Variants in MTUS2 observed in about 807,000 individuals in gnomAD.
MTUS2 encodes microtubule associated scaffold protein 2.
Under a neutral mutation model 114.1 loss-of-function variants are expected in MTUS2, and 40 were observed. That is an observed-to-expected ratio of 0.35 (90% CI 0.27 to 0.46). The LOEUF (loss-of-function observed/expected upper bound fraction) is 0.46, where lower values mean the gene tolerates loss of function less well. Among genes scored for constraint, MTUS2 ranks in the 20% least tolerant of loss-of-function variants. The pLI is 1.00. For synonymous variants in MTUS2, 688 were observed against 672.0 expected (o/e 1.02, Z -0.37); for missense variants, 1,679 against 1,705.4 (o/e 0.98, Z 0.27).
intron 5 of MTUS2, among the ~76,000 whole-genome samples, chr13:29,254,611 C>T (rs1897236190): frequency 6.6e-6 from 1 of 152,218 alleles, no homozygotes. Context: ...GATTTCTATT[C>T]TGAAAACATA....
intron 8 of MTUS2, among the ~76,000 whole-genome samples, chr13:29,405,907 A>C (rs1874717308): frequency 1.3e-5 from 2 of 151,562 alleles, no homozygotes; most frequent in Admixed American, 6.6e-5. Flanking sequence ...TGCCTGACTA[A>C]TTTTTGTATT....
At position 29,143,708 on chromosome 13, in the gene MTUS2, A is replaced by G. The variant is rs138472581; in HGVS notation, c.2644+42738A>G. On this transcript the variant is annotated intron_variant, in intron 5 of 15. Transcript: ENST00000612955. ...TTAGTTGGAGAAAAGTAGCTAGCTC[A>G]TTGAAGTAACTGATGACACAAAATT... 2.8e-3 allele frequency among the ~76,000 whole-genome samples: 419 copies of G among 152,340 alleles called. 2 individuals are homozygous for G. Among genetic ancestry groups the G allele is most frequent in the African/African-American group, 9.6e-3 (399 of 41,584 alleles).
chr13:29,457,438 T>C (rs2138772130), intron 9 of MTUS2, among the ~76,000 whole-genome samples: 1 of 152,188 alleles, frequency 6.6e-6, no homozygotes, highest in Middle Eastern at 3.4e-3. Flanking sequence ...ACATAAGAGA[T>C]TAATCCACAG....
intron 12 of MTUS2, among the ~76,000 whole-genome samples, chr13:29,495,680 G>A (rs1023754298): frequency 6.6e-6 from 1 of 152,070 alleles, no homozygotes; most frequent in Non-Finnish European, 1.5e-5. Flanking sequence ...AGACCAGCCT[G>A]GGCAACATGG....
intron 5 of MTUS2, among the ~76,000 whole-genome samples, chr13:29,243,863 T>C (rs1896816145): frequency 6.6e-6 from 1 of 152,146 alleles, no homozygotes; most frequent in African/African-American, 2.4e-5. Flanking sequence ...GATCCTAATT[T>C]ATAGCCAGGG....
At chr13:28,940,217 G>A (rs1032539932) in intron 2 of MTUS2, among the ~76,000 whole-genome samples, 7 of 152,154 alleles carry the variant, frequency 4.6e-5, no homozygotes, top group African/African-American at 1.7e-4. Flanking sequence ...AAACAACCCA[G>A]ATGTTCATCA....
chr13:28,956,548 G>A (rs1883077288), intron 2 of MTUS2, among the ~76,000 whole-genome samples: 1 of 152,172 alleles, frequency 6.6e-6, no homozygotes, highest in South Asian at 2.1e-4. Flanking sequence ...GATATGAGAG[G>A]TCAGGAGGGT....
At chr13:28,837,779 A>G (rs1875195329) in intron 1 of MTUS2, among the ~76,000 whole-genome samples, 1 of 152,004 alleles carries the variant, frequency 6.6e-6, no homozygotes, top group South Asian at 2.1e-4. Flanking sequence ...TTTCTGTTAC[A>G]ATTAGTACTA....
At chr13:29,400,902 T>G (rs1874284252) in intron 8 of MTUS2, among the ~76,000 whole-genome samples, 2 of 152,222 alleles carry the variant, frequency 1.3e-5, no homozygotes, top group African/African-American at 4.8e-5. Flanking sequence ...CTCCTCAGAT[T>G]GTTCATCTTT....
At chr13:29,410,146 C>G (rs1484043870) in intron 8 of MTUS2, among the ~76,000 whole-genome samples, 4 of 148,768 alleles carry the variant, frequency 2.7e-5, no homozygotes, top group Non-Finnish European at 3.0e-5. Context: ...TTTTTTGAGA[C>G]AGAATTTCAT....
intron 13 of MTUS2, chr13:29,497,717 G>A (rs1251286874): frequency 2.4e-5 from 5 of 212,760 alleles, no homozygotes; most frequent in Middle Eastern, 1.9e-3. Context: ...GCGTTCAGTT[G>A]AGGGGAATTT....
intron 2 of MTUS2, among the ~76,000 whole-genome samples, chr13:28,904,102 G>C (rs1879825545): frequency 6.6e-6 from 1 of 152,060 alleles, no homozygotes; most frequent in Admixed American, 6.6e-5. Context: ...CTTGTTGATG[G>C]GGTTGTTTGT....
intron 4 of MTUS2, among the ~76,000 whole-genome samples, chr13:29,068,176 A>G (rs1037804190): frequency 3.3e-5 from 5 of 152,214 alleles, no homozygotes; most frequent in Admixed American, 2.0e-4. Context: ...GGAGGCTGCA[A>G]AAGAACCATT....
chr13:28,895,601 C>T (rs1879218431), intron 2 of MTUS2, among the ~76,000 whole-genome samples: 1 of 152,012 alleles, frequency 6.6e-6, no homozygotes, highest in Non-Finnish European at 1.5e-5. Context: ...AAAACTTGTG[C>T]CCTTAAAATA....
chr13:29,053,768 G>A (rs1350048280), intron 4 of MTUS2, among the ~76,000 whole-genome samples: 1 of 152,080 alleles, frequency 6.6e-6, no homozygotes. Flanking sequence ...TTATTGCCGA[G>A]TATTGTATGG....
chr13:29,215,423 C>T (rs1398842856), intron 5 of MTUS2, among the ~76,000 whole-genome samples: 1 of 148,568 alleles, frequency 6.7e-6, no homozygotes, highest in African/African-American at 2.5e-5. Flanking sequence ...GAATTGTGAT[C>T]CTTTGGAGAA....
intron 2 of MTUS2, among the ~76,000 whole-genome samples, chr13:28,967,423 A>G (rs964416612): frequency 6.6e-6 from 1 of 152,136 alleles, no homozygotes; most frequent in African/African-American, 2.4e-5. Flanking sequence ...TACCCCACCT[A>G]TATCCCTGTA....
intron 5 of MTUS2, among the ~76,000 whole-genome samples, chr13:29,105,626 A>C (rs1178343300): frequency 6.9e-6 from 1 of 145,594 alleles, no homozygotes; most frequent in African/African-American, 2.5e-5. Flanking sequence ...ACAAGTAAAA[A>C]AAAAATTAGA....
At chr13:29,007,481 A>G (rs17571410) in intron 2 of MTUS2, among the ~76,000 whole-genome samples, 68,549 of 152,104 alleles carry the variant, frequency 0.45, 16,210 homozygotes, top group South Asian at 0.66. Flanking sequence ...TATTCTTACT[A>G]AACATATCCC....
Sources: allele counts gnomAD v4.1 joint callset (sites outside exome capture counted in the v4.1 genomes callset), GRCh38; gene constraint gnomAD v4.1.1; transcripts MANE v1.5; gene names NCBI Gene and HGNC (gene_info 2026-07-23, HGNC 2026-07-21).